The following SPTBN4 variants were observed in gnomAD, a reference collection of about 807,000 sequenced individuals.
The protein encoded by SPTBN4 is spectrin beta, non-erythrocytic 4.
A neutral mutation model predicts 277.8 loss-of-function variants in SPTBN4; 96 were observed. That is an observed-to-expected ratio of 0.35 (90% CI 0.29 to 0.41). SPTBN4 has a LOEUF of 0.41. Among genes scored for constraint, SPTBN4 ranks in the 10% least tolerant of loss-of-function variants. The pLI, the probability that SPTBN4 is intolerant of heterozygous loss-of-function variation, is 1.00. For synonymous variants in SPTBN4, 1,481 were observed against 1,580.3 expected (o/e 0.94, Z 1.49); for missense variants, 3,006 against 3,595.7 (o/e 0.84, Z 4.19).
In SPTBN4 at chr19:40,557,239, C is replaced by T. The variant is rs1221623651; in HGVS notation, c.5506C>T (p.Leu1836Phe). The T allele has an allele frequency of 1.9e-6, 3 of 1,613,108 alleles. No homozygotes were observed. The highest frequency in any genetic ancestry group is 2.2e-5 in the South Asian group (2 of 91,018). The stretch of plus-strand genomic sequence containing the variant: ...CCAGCTGCTGGCCGCCTCTCGGGAG[C>T]TTCATAAGTTCTTCAGTGACGCCCG... The part of the protein sequence containing the change: ...RAQLLAASRE[L>F]HKFFSDAREL... The change falls in exon 26 of 36, where the codon CTT (leucine) becomes TTT (phenylalanine). Residue 1836 changes from leucine (L) to phenylalanine (F), a missense_variant. By Grantham distance (22) the Leu-to-Phe change is conservative. This residue lies in a region of SPTBN4 where 425 missense variants were observed against 594.7 expected (regional missense o/e 0.71). Coordinates refer to ENST00000598249, the MANE Select transcript of SPTBN4 (RefSeq NM_020971.3).
intron 2 of SPTBN4, among the ~76,000 whole-genome samples, chr19:40,473,091 G>A (rs996434663): frequency 6.6e-6 from 1 of 151,732 alleles, no homozygotes; most frequent in Non-Finnish European, 1.5e-5. Context: ...CTGTTGCCCC[G>A]GCTGGGGTGT....
Position 40,493,853 on chromosome 19 carries a change from C to G in SPTBN4, c.587+799C>G, listed in dbSNP as rs1042306022. Among the ~76,000 whole-genome samples, 2 of 152,196 alleles carry G rather than the reference C, an allele frequency of 1.3e-5. 1 individual carries two copies. Among genetic ancestry groups the G allele is most frequent in the Admixed American group, 1.3e-4 (2 of 15,276 alleles). On this transcript the variant is annotated intron_variant, in intron 5 of 35. Transcript: ENST00000598249. The stretch of plus-strand genomic sequence containing the variant: ...CCCAGCCTGCTCTCTTCTCTCTCTC[C>G]CCCATCCCATTTCATCCTACATTTC...
intron 1 of SPTBN4, among the ~76,000 whole-genome samples, chr19:40,470,715 C>A (rs1431405275): frequency 6.6e-6 from 1 of 151,342 alleles, no homozygotes; most frequent in Non-Finnish European, 1.5e-5. Flanking sequence ...TCATTGCAAC[C>A]TGCGCCTCCT....
At chr19:40,506,032 C>T (rs1004096912) in intron 12 of SPTBN4, among the ~76,000 whole-genome samples, 1 of 152,164 alleles carries the variant, frequency 6.6e-6, no homozygotes. Context: ...GCAGCTGGGG[C>T]TCAGCTTTTT....
intron 3 of SPTBN4, among the ~76,000 whole-genome samples, chr19:40,489,380 C>T (rs2080110988): frequency 7.3e-6 from 1 of 137,502 alleles, no homozygotes; most frequent in African/African-American, 3.2e-5. Context: ...AGGGGTGTGA[C>T]GCGGAGTTTT....
chr19:40,473,055 TA>T (rs1368749982), intron 2 of SPTBN4, among the ~76,000 whole-genome samples: 13 of 152,074 alleles, frequency 8.5e-5, no homozygotes, highest in African/African-American at 3.1e-4. Context: ...TATTTATATA[TA>T]TATTTTTTGA....
In SPTBN4 at chr19:40,568,260, A is replaced by G. The variant is rs769058572; in HGVS notation, c.6934A>G (p.Ile2312Val). The change falls in exon 31 of 36, where the codon ATC becomes GTC. Residue 2312 changes from isoleucine to valine, a missense_variant. Ile to Val is a conservative substitution (Grantham distance 29). Coordinates refer to ENST00000598249, the MANE Select transcript of SPTBN4 (RefSeq NM_020971.3). ...RQESSEQEMP[I>V]RGDLVKGKAT... Reference sequence around the variant, plus strand: ...GGAGTCCAGCGAACAGGAGATGCCCATCAGAGGAGACCTGGTCAAGGGGTG... The same window carrying G: ...GGAGTCCAGCGAACAGGAGATGCCCGTCAGAGGAGACCTGGTCAAGGGGTG... 5 of 1,605,390 alleles carry G rather than the reference A, an allele frequency of 3.1e-6. No individual in the cohort carries two copies. The highest frequency in any genetic ancestry group is 4.3e-6 in the Non-Finnish European group (5 of 1,176,342).
chr19:40,490,110 A>G lies in SPTBN4; in HGVS notation c.357A>G (p.Ser119=), dbSNP rs779157767. 1.9e-6 allele frequency: 3 copies of G among 1,613,848 alleles called. No homozygotes were observed. The Admixed American group carries it at 5.0e-5, about 27-fold the overall frequency. ...CGCGCGGCCGCATGCGGATCCACTC[A>G]CTGGAGAACGTGGACAAGGCGCTGC... The part of the protein sequence containing the change: ...RPTRGRMRIH[S]LENVDKALQF... The change falls in exon 4 of 36, where the codon TCA becomes TCG. Residue 119 remains serine (S), a synonymous_variant. Transcript: ENST00000598249. This position sits in a 1 kb window ranked among gnomAD's most constrained non-coding sequence, Gnocchi z 4.3.
chr19:40,534,031 A>G, intron 19 of SPTBN4, 49 bp from the exon 20 acceptor site: 1 of 1,543,774 alleles, frequency 6.5e-7, no homozygotes, highest in South Asian at 1.2e-5. Flanking sequence ...GATTCTCCCC[A>G]CCATCTATCT....
At position 40,560,468 on chromosome 19, in the gene SPTBN4, C is replaced by A. The variant is rs2081031157; in HGVS notation, c.5915+65C>A. Reference sequence around the variant, plus strand: ...GTGGCCTACCCCAGCCACCCCCAGCCCATTGACAGCCCCCTTCTCAATGGA... The same window carrying A: ...GTGGCCTACCCCAGCCACCCCCAGCACATTGACAGCCCCCTTCTCAATGGA... On this transcript the variant is annotated intron_variant, in intron 27 of 35. Coordinates refer to ENST00000598249, the MANE Select transcript of SPTBN4 (RefSeq NM_020971.3). This position sits in a 1 kb window ranked among gnomAD's most constrained non-coding sequence, Gnocchi z 5.2. 1 of 1,609,512 alleles carries A rather than the reference C, an allele frequency of 6.2e-7. No homozygotes were observed.
intron 6 of SPTBN4, among the ~76,000 whole-genome samples, chr19:40,495,255 A>G (rs1436992865): frequency 6.6e-6 from 1 of 151,938 alleles, no homozygotes; most frequent in African/African-American, 2.4e-5. Context: ...ACACACAGAT[A>G]CCCACGCACG....
Position 40,569,740 on chromosome 19 carries a change from C to A in SPTBN4, c.7026+14C>A, listed in dbSNP as rs1231085221. 6.2e-7 allele frequency: 1 copy of A among 1,607,358 alleles called. No individual in the cohort carries two copies. Among genetic ancestry groups the A allele is most frequent in the Non-Finnish European group, 8.5e-7 (1 of 1,177,694 alleles). ...CTGCCTGCTGGGGTAAGTTGAGCCT[C>A]GGATGGGTGGGGATAGGAGGACCCC... On this transcript the variant is annotated intron_variant, in intron 32 of 35. Transcript: ENST00000598249.
chr19:40,534,226 G>A lies in SPTBN4; in HGVS notation c.4242G>A (p.Gln1414=). Residue 1414 remains glutamine (Q), a synonymous_variant, in exon 20 of 36, where the codon CAG becomes CAA. Coordinates refer to ENST00000598249, the MANE Select transcript of SPTBN4 (RefSeq NM_020971.3). ...RQLFEASKAD[Q]LVQSFAELDK... Reference sequence around the variant, plus strand: ...TCTTTGAGGCCAGCAAAGCAGACCAGCTGGTGCAGAGCTTTGCTGAGCTGG... The same window carrying A: ...TCTTTGAGGCCAGCAAAGCAGACCAACTGGTGCAGAGCTTTGCTGAGCTGG... 1 of 1,614,116 alleles carries A rather than the reference G, an allele frequency of 6.2e-7. No individual in the cohort carries two copies.
At chr19:40,480,929 G>A (rs2080003964) in intron 2 of SPTBN4, among the ~76,000 whole-genome samples, 1 of 152,150 alleles carries the variant, frequency 6.6e-6, no homozygotes, top group South Asian at 2.1e-4. Context: ...GCTGGGTGTG[G>A]TGGTGCATGC....
intron 13 of SPTBN4, 69 bp from the exon 14 acceptor site, chr19:40,512,537 C>T (rs1172929962): frequency 1.4e-6 from 2 of 1,436,306 alleles, no homozygotes; most frequent in East Asian, 2.9e-5. Context: ...GTAGGTAGCC[C>T]GCACCATCCT....
chr19:40,524,667 C>T, intron 17 of SPTBN4: 2 of 451,560 alleles, frequency 4.4e-6, no homozygotes, highest in Non-Finnish European at 8.9e-6. Flanking sequence ...GTGTCCCCTG[C>T]CAGGCTGGTT....
chr19:40,545,917 C>A (rs1206632436), intron 20 of SPTBN4, among the ~76,000 whole-genome samples: 1 of 152,162 alleles, frequency 6.6e-6, no homozygotes, highest in Admixed American at 6.5e-5. Flanking sequence ...GTGGTGGGCA[C>A]CTGTAGTCCC....
chr19:40,529,349 G>A (rs1296441802), intron 18 of SPTBN4, among the ~76,000 whole-genome samples: 3 of 152,212 alleles, frequency 2.0e-5, no homozygotes, highest in Non-Finnish European at 4.4e-5. Context: ...GAGGGGCCCC[G>A]GGCGCCCCTG....
chr19:40,557,478 G>C, intron 26 of SPTBN4, 75 bp downstream of exon 26: 2 of 1,480,586 alleles, frequency 1.4e-6, no homozygotes, highest in South Asian at 1.4e-5. Context: ...CAAAAATCAG[G>C]CTGTGGAGCA....
Sources: allele counts gnomAD v4.1 joint callset (sites outside exome capture counted in the v4.1 genomes callset), GRCh38; gene constraint gnomAD v4.1.1; regional missense constraint gnomAD v4.1.1; non-coding constraint Gnocchi (gnomAD v3.1); transcripts MANE v1.5; gene names NCBI Gene and HGNC (gene_info 2026-07-23, HGNC 2026-07-21).